GPC6: variants seen among roughly 807,000 people sequenced by gnomAD.
GPC6 encodes glypican 6, also known as glypican-6.
In GPC6, 14 loss-of-function variants were observed where a neutral mutation model predicts 55.2. That is an observed-to-expected ratio of 0.25 (90% CI 0.17 to 0.40). The LOEUF is 0.40. GPC6 is among the 10% of genes least tolerant of loss of function. The pLI is 1.00. For synonymous variants in GPC6, 278 were observed against 259.6 expected, an observed-to-expected ratio of 1.07 and a Z score of -0.68; for missense variants, 641 against 708.5, an observed-to-expected ratio of 0.90 and a Z score of 1.08.
intron 2 of GPC6, among the ~76,000 whole-genome samples, chr13:93,627,454 A>G (rs1474866578): frequency 6.6e-6 from 1 of 152,160 alleles, no homozygotes; most frequent in Non-Finnish European, 1.5e-5. Flanking sequence ...CCCATGATCC[A>G]GTCACCTCCA....
intron 1 of GPC6, among the ~76,000 whole-genome samples, chr13:93,379,994 C>G (rs1272335987): frequency 6.8e-6 from 1 of 146,578 alleles, no homozygotes; most frequent in Non-Finnish European, 1.5e-5. Context: ...GCAAGTTTCT[C>G]TTTGTCCATC....
At chr13:93,629,554 A>G (rs1407144973) in intron 2 of GPC6, among the ~76,000 whole-genome samples, 1 of 152,208 alleles carries the variant, frequency 6.6e-6, no homozygotes, top group Non-Finnish European at 1.5e-5. Flanking sequence ...ATAGAAAGTT[A>G]GAAAAGATTA....
At chr13:93,834,476 A>G (rs1887656963) in intron 3 of GPC6, among the ~76,000 whole-genome samples, 1 of 152,226 alleles carries the variant, frequency 6.6e-6, no homozygotes, top group Admixed American at 6.5e-5. Flanking sequence ...GATGGTGGTT[A>G]CCTCTGGAGA....
At chr13:93,915,104 G>A (rs967469718) in intron 3 of GPC6, among the ~76,000 whole-genome samples, 2 of 152,064 alleles carry the variant, frequency 1.3e-5, no homozygotes, top group East Asian at 1.9e-4. Context: ...TTAGCCTCCC[G>A]TGCTTTCAGT....
rs930660679 is a variant in GPC6, at chr13:93,249,203, C to T, written c.160+21587C>T. Among the ~76,000 whole-genome samples the T allele has an allele frequency of 1.1e-4, 16 of 152,124 alleles. No individual in the cohort carries two copies. The South Asian group carries it at 1.9e-3, about 18-fold the overall frequency. ...CATCAGGAACTGAGATCACTGAGGA[C>T]GTATTTTCACCATTAATAGGGGCCC... On this transcript the variant is annotated intron_variant, in intron 1 of 8. Coordinates refer to ENST00000377047, the MANE Select transcript of GPC6 (RefSeq NM_005708.5).
Position 93,279,601 on chromosome 13 carries a change from G to A in GPC6, c.160+51985G>A, listed in dbSNP as rs201665666. Among the ~76,000 whole-genome samples, 4 of 152,202 alleles carry A rather than the reference G, an allele frequency of 2.6e-5. No individual in the cohort carries two copies. The East Asian group carries it at 5.8e-4, about 22-fold the overall frequency. On this transcript the variant is annotated intron_variant, in intron 1 of 8. Coordinates refer to ENST00000377047, the MANE Select transcript of GPC6 (RefSeq NM_005708.5). The stretch of plus-strand genomic sequence containing the variant: ...GCATATTTTGAAAAATATCCTCTAG[G>A]TTAAAGAATTAGGAAAGTATCAAGA...
chr13:93,856,406 G>A (rs1888612529), intron 3 of GPC6, among the ~76,000 whole-genome samples: 1 of 151,556 alleles, frequency 6.6e-6, no homozygotes, highest in South Asian at 2.1e-4. Context: ...TTCAGGTGCT[G>A]TGGTAGGCAG....
chr13:93,676,166 TATACATAC>T (rs1334360302), intron 2 of GPC6, among the ~76,000 whole-genome samples: 2 of 35,674 alleles, frequency 5.6e-5, no homozygotes, highest in African/African-American at 8.9e-5. Context: ...TATATATATA[TATACATAC>T]ACACACACAC....
chr13:94,028,264 C>T lies in GPC6; in HGVS notation c.877+370C>T, dbSNP rs1361633358. 2.1e-5 allele frequency among the ~76,000 whole-genome samples: 3 copies of T among 139,990 alleles called. No individual in the cohort carries two copies. The South Asian group carries it at 6.7e-4, about 31-fold the overall frequency. The allele number at this position is 139,990 out of a possible 152,430, so 91.8% of individuals were successfully genotyped here. ...TGGGTGACAGAGTGGGACCCTGTCT[C>T]AAAAAAAAAAAATGTTATGATGACT... On this transcript the variant is annotated intron_variant, in intron 4 of 8. Coordinates refer to ENST00000377047, the MANE Select transcript of GPC6 (RefSeq NM_005708.5).
intron 1 of GPC6, among the ~76,000 whole-genome samples, chr13:93,327,464 G>GA (rs1392329562): frequency 6.6e-6 from 1 of 152,084 alleles, no homozygotes; most frequent in African/African-American, 2.4e-5. Flanking sequence ...CATTTAACAG[G>GA]AAAAAAATCA....
intron 3 of GPC6, among the ~76,000 whole-genome samples, chr13:93,880,997 G>A (rs1321520644): frequency 2.6e-5 from 4 of 152,026 alleles, no homozygotes; most frequent in South Asian, 2.1e-4. Context: ...CTCTAACCCC[G>A]TATTCTTTTC....
At chr13:93,481,557 C>T (rs1224434033) in intron 1 of GPC6, among the ~76,000 whole-genome samples, 2 of 151,822 alleles carry the variant, frequency 1.3e-5, no homozygotes, top group Non-Finnish European at 2.9e-5. Context: ...AGTTTTAGCT[C>T]TTACATTTAG....
intron 1 of GPC6, among the ~76,000 whole-genome samples, chr13:93,419,662 C>G (rs182052926): frequency 2.0e-5 from 3 of 152,222 alleles, no homozygotes; most frequent in Non-Finnish European, 4.4e-5. Context: ...CACAGTGAAG[C>G]CTCCTATTAG....
intron 1 of GPC6, among the ~76,000 whole-genome samples, chr13:93,303,382 T>G (rs912238875): frequency 6.6e-6 from 1 of 152,216 alleles, no homozygotes. Context: ...TTAATACACA[T>G]GAAATCTTTA....
At chr13:93,642,988 A>G (rs2139588652) in intron 2 of GPC6, among the ~76,000 whole-genome samples, 1 of 152,284 alleles carries the variant, frequency 6.6e-6, no homozygotes, top group South Asian at 2.1e-4. Flanking sequence ...AGTTAAAGAT[A>G]AAACGTGTTT....
intron 1 of GPC6, among the ~76,000 whole-genome samples, chr13:93,382,572 G>A (rs947603126): frequency 6.6e-6 from 1 of 152,116 alleles, no homozygotes; most frequent in African/African-American, 2.4e-5. Context: ...CTGCAATAGT[G>A]CTAAGGAAAA....
chr13:94,242,585 AC>A lies in GPC6; in HGVS notation c.878-43762del, dbSNP rs1215968644. ...TTCCTGAATTTCAAGCAGAAATCAG[AC>A]CATTCATTTTCAGCAGCCTTAATGT... On this transcript the variant is annotated intron_variant, in intron 4 of 8. Transcript: ENST00000377047. Among the ~76,000 whole-genome samples, 15 of 152,226 alleles carry A rather than the reference AC, an allele frequency of 9.9e-5. No homozygotes were observed. The East Asian group carries it at 2.5e-3, about 26-fold the overall frequency.
Position 93,821,029 on chromosome 13 carries a change from A to G in GPC6, c.320-9125A>G, listed in dbSNP as rs150210518. Among the ~76,000 whole-genome samples, 979 of 152,294 alleles carry G rather than the reference A, an allele frequency of 6.4e-3. 13 individuals are homozygous for G. The highest frequency in any genetic ancestry group is 0.022 in the African/African-American group (908 of 41,568). On this transcript the variant is annotated intron_variant, in intron 2 of 8. Transcript: ENST00000377047. ...TGTCTTCCTGACTACAAGAATTTAA[A>G]GGCATGATATGTTTTGTTGAATTAA...
At chr13:94,283,978 T>C (rs1463828123) in intron 4 of GPC6, among the ~76,000 whole-genome samples, 2 of 152,176 alleles carry the variant, frequency 1.3e-5, no homozygotes, top group Non-Finnish European at 2.9e-5. Context: ...CGCAAAGTTA[T>C]TTTGTGTTTT....
Sources: gnomAD v4.1 joint callset for allele counts (sites outside exome capture counted in the v4.1 genomes callset) on GRCh38, gnomAD v4.1.1 for gene constraint, MANE v1.5 for transcripts, NCBI Gene and HGNC (gene_info 2026-07-23, HGNC 2026-07-21) for gene names.